CTNNA2: variants seen among roughly 807,000 people sequenced by gnomAD.
CTNNA2 encodes the protein catenin alpha 2.
In CTNNA2, 42 loss-of-function variants were observed where a neutral mutation model predicts 101.0. The observed-to-expected ratio is 0.42, with a 90% CI of 0.32 to 0.54. The LOEUF (loss-of-function observed/expected upper bound fraction) is 0.54, where lower values mean the gene tolerates loss of function less well. CTNNA2 is among the 20% of genes least tolerant of loss of function. The pLI, the probability that CTNNA2 is intolerant of heterozygous loss-of-function variation, is 0.14. For synonymous variants in CTNNA2, 450 were observed against 456.4 expected (o/e 0.99, Z 0.18); for missense variants, 871 against 1,223.1 (o/e 0.71, Z 4.29).
At chr2:80,541,939 T>C (rs1691597422) in intron 9 of CTNNA2, among the ~76,000 whole-genome samples, 1 of 113,212 alleles carries the variant, frequency 8.8e-6, no homozygotes, top group Non-Finnish European at 1.9e-5. Context: ...GTAAAGAATG[T>C]GTAATGAACC....
chr2:79,955,670 C>G (rs887806527), intron 7 of CTNNA2, among the ~76,000 whole-genome samples: 1 of 152,138 alleles, frequency 6.6e-6, no homozygotes, highest in African/African-American at 2.4e-5. Flanking sequence ...TGCTACCATG[C>G]CCAGCTAATT....
At chr2:80,479,277 G>A (rs1031334893) in intron 9 of CTNNA2, among the ~76,000 whole-genome samples, 3 of 152,046 alleles carry the variant, frequency 2.0e-5, no homozygotes, top group African/African-American at 7.2e-5. Flanking sequence ...GCAATGTCTA[G>A]GGACATTTGG....
chr2:80,222,132 T>C (rs1367854265), intron 7 of CTNNA2, among the ~76,000 whole-genome samples: 1 of 152,096 alleles, frequency 6.6e-6, no homozygotes, highest in African/African-American at 2.4e-5. Context: ...CACAGTGAGA[T>C]AGGAGTCAGG....
intron 13 of CTNNA2, chr2:80,579,542 C>G (rs1410010458): frequency 2.6e-5 from 4 of 152,144 alleles, no homozygotes; most frequent in African/African-American, 9.7e-5. Flanking sequence ...AAAAATACAA[C>G]CAGTTACTTG....
intron 9 of CTNNA2, among the ~76,000 whole-genome samples, chr2:80,537,497 C>T (rs1211936796): frequency 2.0e-5 from 3 of 152,068 alleles, no homozygotes; most frequent in Non-Finnish European, 4.4e-5. Flanking sequence ...GAGGAATAGC[C>T]ACACTGTCTT....
intron 2 of CTNNA2, among the ~76,000 whole-genome samples, chr2:79,271,477 G>A (rs555065508): frequency 6.6e-6 from 1 of 152,242 alleles, no homozygotes; most frequent in East Asian, 1.9e-4. Flanking sequence ...GAATCAGAGT[G>A]GCGAGGAAAT....
chr2:79,441,873 C>G (rs1024768764), intron 4 of CTNNA2, among the ~76,000 whole-genome samples: 1 of 152,158 alleles, frequency 6.6e-6, no homozygotes, highest in East Asian at 1.9e-4. Context: ...CTTTCTGTTT[C>G]TAGAACAAGT....
chr2:79,696,615 C>T (rs745660148), intron 2 of CTNNA2, among the ~76,000 whole-genome samples: 1 of 152,024 alleles, frequency 6.6e-6, no homozygotes, highest in African/African-American at 2.4e-5. Context: ...AAAGCCAGCA[C>T]TTACAATCTC....
chr2:79,403,306 A>G (rs554123111), intron 4 of CTNNA2, among the ~76,000 whole-genome samples: 6 of 152,064 alleles, frequency 3.9e-5, no homozygotes, highest in Non-Finnish European at 8.8e-5. Context: ...GGAAGAAGAT[A>G]TTTGCAATCC....
At chr2:80,343,262 G>C (rs1000924161) in intron 7 of CTNNA2, among the ~76,000 whole-genome samples, 2 of 151,904 alleles carry the variant, frequency 1.3e-5, no homozygotes, top group African/African-American at 4.8e-5. Context: ...TATTCTCTTG[G>C]CCTAGCTAAA....
At chr2:79,407,379 G>T (rs893278253) in intron 4 of CTNNA2, among the ~76,000 whole-genome samples, 8 of 152,056 alleles carry the variant, frequency 5.3e-5, no homozygotes, top group Non-Finnish European at 1.0e-4. Context: ...AAACCAATTT[G>T]GGGGAGCAGA....
intron 1 of CTNNA2, among the ~76,000 whole-genome samples, chr2:79,588,459 G>T (rs1269973507): frequency 6.6e-6 from 1 of 152,048 alleles, no homozygotes; most frequent in Non-Finnish European, 1.5e-5. Context: ...TTTTAGCATT[G>T]CTATCTGTAC....
At chr2:80,373,364 A>G (rs749686118) in intron 7 of CTNNA2, among the ~76,000 whole-genome samples, 121 of 152,210 alleles carry the variant, frequency 7.9e-4, no homozygotes, top group Non-Finnish European at 3.8e-4. Flanking sequence ...AGTACTAGGA[A>G]TAGTAAACCT....
At chr2:80,101,728 C>G (rs548536631) in intron 7 of CTNNA2, among the ~76,000 whole-genome samples, 1 of 152,296 alleles carries the variant, frequency 6.6e-6, no homozygotes, top group Non-Finnish European at 1.5e-5. Flanking sequence ...TCCTCTCTGG[C>G]TCCTCCTGTG....
chr2:79,728,855 C>T (rs1024408990), intron 2 of CTNNA2, among the ~76,000 whole-genome samples: 5 of 152,040 alleles, frequency 3.3e-5, no homozygotes, highest in Admixed American at 1.3e-4. Flanking sequence ...TTGCTTGTTT[C>T]TCTCAGGTTT....
rs144336789 is a variant in CTNNA2, at chr2:79,362,821, G to A, written c.-317-11010G>A. ...ATGACACAGAGCATAGCCTCCAGCT[G>A]ACCCACAGTGGGCAATAACTTAGTT... On this transcript the variant is annotated intron_variant, in intron 3 of 21. Coordinates refer to the CTNNA2 transcript ENST00000466387. Among the ~76,000 whole-genome samples, 25 of 152,280 alleles carry A rather than the reference G, an allele frequency of 1.6e-4. 1 individual carries two copies. In the East Asian group the frequency reaches 4.8e-3, roughly 29 times the overall value.
chr2:79,653,843 A>G (rs902418437), intron 2 of CTNNA2, among the ~76,000 whole-genome samples: 10 of 152,208 alleles, frequency 6.6e-5, no homozygotes, highest in African/African-American at 2.4e-4. Context: ...ATGTAAGTTC[A>G]TCACTTGTAA....
chr2:79,693,751 T>C (rs868690510), intron 2 of CTNNA2, among the ~76,000 whole-genome samples: 1 of 151,882 alleles, frequency 6.6e-6, no homozygotes, highest in African/African-American at 2.4e-5. Context: ...TATGTGGATG[T>C]TCTCACCCAT....
rs568226391 is a variant in CTNNA2, at chr2:80,172,196, G to A, written c.1057-221015G>A. Among the ~76,000 whole-genome samples the A allele has an allele frequency of 5.3e-5, 8 of 152,192 alleles. No individual in the cohort carries two copies. In the South Asian group the frequency reaches 1.7e-3, roughly 32 times the overall value. On this transcript the variant is annotated intron_variant, in intron 7 of 18. Transcript: ENST00000402739. Reference sequence around the variant, plus strand: ...ATGATTTGGCTATACCGTCACATGTGTTTTTTCAGCCCAACTAACTGGTTT... The same window carrying A: ...ATGATTTGGCTATACCGTCACATGTATTTTTTCAGCCCAACTAACTGGTTT...
Sources: gnomAD v4.1 joint callset for allele counts (sites outside exome capture counted in the v4.1 genomes callset) on GRCh38, gnomAD v4.1.1 for gene constraint, MANE v1.5 for transcripts, NCBI Gene and HGNC (gene_info 2026-07-23, HGNC 2026-07-21) for gene names.